CNTNAP2: variants seen among roughly 807,000 people sequenced by gnomAD.
CNTNAP2 encodes the protein contactin-associated protein-like 2.
Under a neutral mutation model 155.2 loss-of-function variants are expected in CNTNAP2, and 98 were observed. The ratio of observed to expected loss-of-function variants is 0.63; its 90% CI spans 0.54 to 0.75. The LOEUF (loss-of-function observed/expected upper bound fraction) is 0.75. CNTNAP2 is among the 30% of genes least tolerant of loss of function. The pLI is 0.00. For synonymous variants in CNTNAP2, 651 were observed against 631.2 expected (o/e 1.03, Z -0.47); for missense variants, 1,727 against 1,688.1 (o/e 1.02, Z -0.40).
intron 1 of CNTNAP2, among the ~76,000 whole-genome samples, chr7:146,298,016 G>A (rs528886373): frequency 5.3e-5 from 8 of 152,222 alleles, no homozygotes; most frequent in Non-Finnish European, 5.9e-5. Flanking sequence ...GAGATGCTGT[G>A]AGCATGAAAG....
chr7:146,756,194 T>C (rs1049437847), intron 1 of CNTNAP2, among the ~76,000 whole-genome samples: 1 of 151,950 alleles, frequency 6.6e-6, no homozygotes, highest in African/African-American at 2.4e-5. Flanking sequence ...ACATACCTTA[T>C]AGTGTCTCTT....
At chr7:147,497,938 G>A (rs1798739626) in intron 11 of CNTNAP2, among the ~76,000 whole-genome samples, 1 of 152,156 alleles carries the variant, frequency 6.6e-6, no homozygotes, top group Non-Finnish European at 1.5e-5. Context: ...CTCTGTGTAA[G>A]AGCAAAATAA....
intron 1 of CNTNAP2, among the ~76,000 whole-genome samples, chr7:146,137,253 A>G (rs932110768): frequency 6.6e-6 from 1 of 152,188 alleles, no homozygotes; most frequent in African/African-American, 2.4e-5. Context: ...AGTAAATCAT[A>G]AAGTGAATAT....
chr7:147,170,068 T>A (rs1802195866), intron 8 of CNTNAP2, among the ~76,000 whole-genome samples: 1 of 152,134 alleles, frequency 6.6e-6, no homozygotes, highest in African/African-American at 2.4e-5. Context: ...CTCATCTTGG[T>A]GGGTCTCTGG....
intron 21 of CNTNAP2, among the ~76,000 whole-genome samples, chr7:148,314,897 G>C (rs887993127): frequency 2.0e-5 from 3 of 152,126 alleles, no homozygotes; most frequent in African/African-American, 7.2e-5. Context: ...CGGAGTTTTG[G>C]GTCCACAGAT....
At chr7:147,494,370 G>C (rs1266685615) in intron 11 of CNTNAP2, among the ~76,000 whole-genome samples, 1 of 145,308 alleles carries the variant, frequency 6.9e-6, no homozygotes, top group Non-Finnish European at 1.5e-5. Flanking sequence ...GCTTCGGAAT[G>C]ATGACCAAGA....
chr7:146,200,151 A>G (rs551877124), intron 1 of CNTNAP2, among the ~76,000 whole-genome samples: 2 of 152,196 alleles, frequency 1.3e-5, no homozygotes, highest in South Asian at 4.1e-4. Flanking sequence ...GGTGCTTCAC[A>G]ACAATGTTTC....
At chr7:146,876,235 G>T (rs1795425785) in intron 3 of CNTNAP2, among the ~76,000 whole-genome samples, 1 of 152,052 alleles carries the variant, frequency 6.6e-6, no homozygotes, top group Non-Finnish European at 1.5e-5. Flanking sequence ...AATCTTCCCA[G>T]GTTGAAGATG....
At chr7:147,389,514 G>T (rs993032478) in intron 9 of CNTNAP2, among the ~76,000 whole-genome samples, 1 of 152,138 alleles carries the variant, frequency 6.6e-6, no homozygotes, top group Admixed American at 6.6e-5. Flanking sequence ...ATGTATTTCT[G>T]AATTAAAATT....
intron 19 of CNTNAP2, among the ~76,000 whole-genome samples, chr7:148,224,683 G>A (rs1040326670): frequency 7.9e-5 from 12 of 152,278 alleles, no homozygotes; most frequent in East Asian, 5.8e-4. Context: ...CTGTTCTCAC[G>A]CTGCTATGAA....
intron 21 of CNTNAP2, among the ~76,000 whole-genome samples, chr7:148,299,338 G>A (rs564601355): frequency 1.2e-4 from 18 of 152,296 alleles, no homozygotes; most frequent in Non-Finnish European, 2.1e-4. Context: ...GTAGCCAGGT[G>A]AAGAAAAGAA....
intron 1 of CNTNAP2, among the ~76,000 whole-genome samples, chr7:146,753,429 C>G (rs1165573466): frequency 1.3e-5 from 2 of 151,506 alleles, no homozygotes; most frequent in African/African-American, 4.8e-5. Context: ...TCCATGATGA[C>G]CTATTTATGT....
chr7:147,598,783 G>C (rs946953903), intron 12 of CNTNAP2, among the ~76,000 whole-genome samples: 5 of 152,098 alleles, frequency 3.3e-5, no homozygotes, highest in African/African-American at 9.7e-5. Context: ...GAATCATGGG[G>C]GCGGTTACCC....
At chr7:146,302,622 G>C (rs950884442) in intron 1 of CNTNAP2, among the ~76,000 whole-genome samples, 3 of 152,092 alleles carry the variant, frequency 2.0e-5, no homozygotes, top group Non-Finnish European at 4.4e-5. Flanking sequence ...GATATGAAAA[G>C]ACAGTTCAAC....
intron 8 of CNTNAP2, among the ~76,000 whole-genome samples, chr7:147,274,773 C>T (rs1804856587): frequency 6.6e-6 from 1 of 151,720 alleles, no homozygotes; most frequent in African/African-American, 2.4e-5. Context: ...AGAATTTTTC[C>T]TAGGATATTT....
intron 3 of CNTNAP2, among the ~76,000 whole-genome samples, chr7:146,905,019 A>G (rs1369894008): frequency 1.3e-5 from 2 of 152,124 alleles, no homozygotes; most frequent in African/African-American, 2.4e-5. Flanking sequence ...CCTCAGCACT[A>G]TGACATTTGG....
intron 1 of CNTNAP2, among the ~76,000 whole-genome samples, chr7:146,295,777 A>C (rs2129087392): frequency 6.6e-6 from 1 of 152,078 alleles, no homozygotes; most frequent in African/African-American, 2.4e-5. Context: ...TAAAAATGAA[A>C]ACATGAAAAC....
chr7:146,655,406 T>A (rs2129164776), intron 1 of CNTNAP2, among the ~76,000 whole-genome samples: 1 of 101,246 alleles, frequency 9.9e-6, no homozygotes. Flanking sequence ...AGAGTGAGAC[T>A]CTGTCTCAAA....
chr7:147,986,998 C>T (rs1801630479), intron 15 of CNTNAP2, among the ~76,000 whole-genome samples: 2 of 151,466 alleles, frequency 1.3e-5, no homozygotes, highest in African/African-American at 4.9e-5. Flanking sequence ...AATCATTAAG[C>T]TCTATTTTTT....
Sources: gnomAD v4.1 joint callset for allele counts (sites outside exome capture counted in the v4.1 genomes callset) on GRCh38, gnomAD v4.1.1 for gene constraint, MANE v1.5 for transcripts, NCBI Gene and HGNC (gene_info 2026-07-23, HGNC 2026-07-21) for gene names.